IQUB: variants seen among roughly 807,000 people sequenced by gnomAD.
IQUB encodes the protein IQ motif and ubiquitin domain containing.
A neutral mutation model predicts 86.4 loss-of-function variants in IQUB; 86 were observed. The observed-to-expected ratio is 1.00, with a 90% CI of 0.84 to 1.19. The LOEUF is 1.19. Among genes scored for constraint, IQUB ranks in the 50% most tolerant of loss-of-function variants. The pLI is 0.00. For missense variants in IQUB, 946 were observed against 916.9 expected (o/e 1.03, Z -0.41); for synonymous variants, 289 against 304.5 (o/e 0.95, Z 0.53).
At chr7:123,518,737 G>A (rs1441721519) in intron 1 of IQUB, among the ~76,000 whole-genome samples, 1 of 152,086 alleles carries the variant, frequency 6.6e-6, no homozygotes, top group Non-Finnish European at 1.5e-5. Flanking sequence ...GGGATTACAG[G>A]CGCCCACCAC....
At chr7:123,460,136 A>C (rs563262474) in intron 11 of IQUB, among the ~76,000 whole-genome samples, 1 of 152,030 alleles carries the variant, frequency 6.6e-6, no homozygotes, top group African/African-American at 2.4e-5. Context: ...TGGTGCTGGT[A>C]CTTAGTAGCG....
At chr7:123,490,938 T>C (rs1347140037) in intron 7 of IQUB, among the ~76,000 whole-genome samples, 1 of 150,356 alleles carries the variant, frequency 6.7e-6, no homozygotes, top group Non-Finnish European at 1.5e-5. Context: ...CACTCCAGCC[T>C]GGGCAACAAG....
chr7:123,521,519 C>T (rs1796901677), intron 1 of IQUB, among the ~76,000 whole-genome samples: 1 of 152,056 alleles, frequency 6.6e-6, no homozygotes, highest in Admixed American at 6.6e-5. Flanking sequence ...TTGTGGCACG[C>T]ACCTGCAATT....
chr7:123,533,918 A>G (rs1422128275), intron 1 of IQUB, among the ~76,000 whole-genome samples: 1 of 152,242 alleles, frequency 6.6e-6, no homozygotes, highest in Non-Finnish European at 1.5e-5. Context: ...CATACAAAAA[A>G]GTCTCCCTTT....
At chr7:123,501,519 C>T (rs539557674) in intron 6 of IQUB, 2 of 152,288 alleles carry the variant, frequency 1.3e-5, no homozygotes, top group Non-Finnish European at 2.9e-5. Context: ...ACTTCGTTCT[C>T]TAAATTCAGA....
rs147861224 is a variant in IQUB, at chr7:123,531,011, C to G, written c.-5+3481G>C. 1.0e-3 allele frequency among the ~76,000 whole-genome samples: 159 copies of G among 152,218 alleles called. 2 individuals are homozygous for G. In the East Asian group the frequency reaches 0.029, roughly 28 times the overall value. ...TCCTTACAATGACTCTGAGGTAGAT[C>G]TTCTTGTCTCTGTAGATAGGAAAAC... On this transcript the variant is annotated intron_variant, in intron 1 of 12. Transcript: ENST00000324698.
At chr7:123,485,997 A>C (rs771920319) in intron 7 of IQUB, among the ~76,000 whole-genome samples, 26 of 152,308 alleles carry the variant, frequency 1.7e-4, no homozygotes, top group Non-Finnish European at 3.5e-4. Flanking sequence ...TGACAAACAC[A>C]GCATGAGTGA....
intron 8 of IQUB, among the ~76,000 whole-genome samples, chr7:123,470,841 A>C (rs2117026536): frequency 6.6e-6 from 1 of 150,526 alleles, no homozygotes. Flanking sequence ...ACAGAGCAAG[A>C]CTCTGTCTCA....
Position 123,452,777 on chromosome 7 carries a change from G to A in IQUB, c.2342C>T (p.Pro781Leu). ...AGGCCTCTGGGATTCTATAATCTTA[G>A]GTGTTGTGTCTGAGTGATACTTCCA... Reference protein sequence around the residue: ...IRWKYHSDTTPKIIESQRPPH With the variant: ...IRWKYHSDTTLKIIESQRPPH Residue 781 changes from proline to leucine, a missense_variant, in exon 13 of 13, where the codon CCT becomes CTT. Pro to Leu is a moderately conservative substitution (Grantham distance 98, BLOSUM62 -3). Transcript: ENST00000324698. The A allele has an allele frequency of 6.2e-7, 1 of 1,613,354 alleles. No individual in the cohort carries two copies. Among genetic ancestry groups the A allele is most frequent in the South Asian group, 1.1e-5 (1 of 90,998 alleles).
rs955305634 is a variant in IQUB at position 123,495,723 on chromosome 7, T to C, written c.1234+973A>G. On this transcript the variant is annotated intron_variant, in intron 7 of 12. Coordinates refer to ENST00000324698, the MANE Select transcript of IQUB (RefSeq NM_178827.5). Reference sequence around the variant, plus strand: ...TTATTTCCACCTTACCAGGTACTGCTGGCAAAGCAGAAGCTAGAGACAGTT... The same window carrying C: ...TTATTTCCACCTTACCAGGTACTGCCGGCAAAGCAGAAGCTAGAGACAGTT... Among the ~76,000 whole-genome samples the C allele has an allele frequency of 2.0e-5, 3 of 152,148 alleles. No individual in the cohort carries two copies. In the East Asian group the frequency reaches 5.8e-4, roughly 29 times the overall value.
chr7:123,452,581 T>C lies in IQUB; in HGVS notation c.*162A>G, dbSNP rs909841619. ...CAACTTCCTAACAAAGAATACTTAC[T>C]TATATAGAAATGTTTTCTCTTTATA... On this transcript the variant is annotated 3_prime_UTR_variant, in exon 13 of 13. Coordinates refer to ENST00000324698, the MANE Select transcript of IQUB (RefSeq NM_178827.5). The C allele has an allele frequency of 1.9e-5, 8 of 416,030 alleles. No individual in the cohort carries two copies. Among genetic ancestry groups the C allele is most frequent in the Admixed American group, 8.7e-5 (2 of 23,118 alleles). 25.8% of individuals were successfully genotyped at this position (416,030 alleles called of 1,614,324 possible).
intron 8 of IQUB, 104 bp from the exon 9 acceptor site, chr7:123,469,488 A>G (rs1337422323): frequency 1.7e-5 from 9 of 534,206 alleles, no homozygotes; most frequent in Non-Finnish European, 2.8e-5. Flanking sequence ...GTGCTTTATA[A>G]CTAAAGTATT....
intron 1 of IQUB, among the ~76,000 whole-genome samples, chr7:123,529,725 A>T (rs1191025118): frequency 1.2e-4 from 7 of 59,864 alleles, no homozygotes; most frequent in African/African-American, 2.0e-4. Flanking sequence ...GTCTCTACTT[A>T]AAAAAAAAAA....
intron 7 of IQUB, among the ~76,000 whole-genome samples, chr7:123,483,689 T>G (rs1457435908): frequency 6.6e-6 from 1 of 152,106 alleles, no homozygotes; most frequent in Non-Finnish European, 1.5e-5. Context: ...ACAGAATTGC[T>G]ACTTCTCTTT....
At chr7:123,521,680 A>ACACACACACACT (rs1240602661) in intron 1 of IQUB, among the ~76,000 whole-genome samples, 6 of 151,326 alleles carry the variant, frequency 4.0e-5, no homozygotes, top group Admixed American at 4.0e-4. Flanking sequence ...ACACACACAC[A>ACACACACACACT]CAGAGATCAC....
intron 8 of IQUB, among the ~76,000 whole-genome samples, chr7:123,479,411 C>T (rs1441068900): frequency 6.6e-6 from 1 of 152,088 alleles, no homozygotes; most frequent in Non-Finnish European, 1.5e-5. Flanking sequence ...AGGTTGCTTA[C>T]CATCAGAGCA....
At chr7:123,459,536 C>T (rs1793887913) in intron 11 of IQUB, among the ~76,000 whole-genome samples, 1 of 152,022 alleles carries the variant, frequency 6.6e-6, no homozygotes, top group African/African-American at 2.4e-5. Flanking sequence ...CTATAGCAGC[C>T]TGCTGGTCAT....
At chr7:123,518,740 C>T (rs1796765851) in intron 1 of IQUB, among the ~76,000 whole-genome samples, 1 of 151,920 alleles carries the variant, frequency 6.6e-6, no homozygotes, top group Non-Finnish European at 1.5e-5. Context: ...ATTACAGGCG[C>T]CCACCACCAC....
At chr7:123,490,886 C>A (rs1473875695) in intron 7 of IQUB, among the ~76,000 whole-genome samples, 1 of 151,916 alleles carries the variant, frequency 6.6e-6, no homozygotes, top group Non-Finnish European at 1.5e-5. Context: ...ATCGCTTGAA[C>A]CCGGGAGTCA....
Sources: gnomAD v4.1 joint callset for allele counts (sites outside exome capture counted in the v4.1 genomes callset) on GRCh38, gnomAD v4.1.1 for gene constraint, MANE v1.5 for transcripts, NCBI Gene and HGNC (gene_info 2026-07-23, HGNC 2026-07-21) for gene names.